The following XPO6 variants were observed in gnomAD, a reference collection of about 807,000 sequenced individuals.
The protein encoded by XPO6 is exportin-6.
XPO6 carries 3 observed loss-of-function variants against 130.0 expected under a neutral mutation model. That is an observed-to-expected ratio of 0.02 (90% CI 0.01 to 0.06). The LOEUF is 0.06. XPO6 is among the 10% of genes least tolerant of loss of function. The pLI is 1.00. For missense variants in XPO6, 970 were observed against 1,393.0 expected, an observed-to-expected ratio of 0.70 and a Z score of 4.83; for synonymous variants, 524 against 548.9, an observed-to-expected ratio of 0.95 and a Z score of 0.63.
At chr16:28,156,605 A>AATAT (rs552912774) in intron 6 of XPO6, 78 bp from the exon 7 acceptor site, 3 of 877,636 alleles carry the variant, frequency 3.4e-6, no homozygotes, top group Admixed American at 3.3e-5. Flanking sequence ...CCTTCAAAAA[A>AATAT]ATATATATAT....
At chr16:28,181,361 G>A (rs945080099) in intron 1 of XPO6, among the ~76,000 whole-genome samples, 1 of 152,182 alleles carries the variant, frequency 6.6e-6, no homozygotes, top group African/African-American at 2.4e-5. Context: ...TGAATGGGCA[G>A]AGCAGAGAGA....
intron 1 of XPO6, among the ~76,000 whole-genome samples, chr16:28,187,721 C>T (rs958274202): frequency 6.7e-6 from 1 of 149,208 alleles, no homozygotes; most frequent in Non-Finnish European, 1.5e-5. Context: ...CTACCATGGG[C>T]TGGTGGCTCA....
At chr16:28,140,668 C>A (rs1249250132) in intron 9 of XPO6, among the ~76,000 whole-genome samples, 1 of 147,026 alleles carries the variant, frequency 6.8e-6, no homozygotes, top group Admixed American at 6.8e-5. Flanking sequence ...CAGAGTGAGA[C>A]CCCGTCTCAA....
chr16:28,197,301 T>C (rs879532251), intron 1 of XPO6, among the ~76,000 whole-genome samples: 4 of 152,050 alleles, frequency 2.6e-5, no homozygotes, highest in Non-Finnish European at 5.9e-5. Flanking sequence ...AGTAACTAAC[T>C]TACGACTGGA....
chr16:28,166,272 G>C (rs2043354251), intron 6 of XPO6, among the ~76,000 whole-genome samples: 1 of 152,022 alleles, frequency 6.6e-6, no homozygotes, highest in African/African-American at 2.4e-5. Context: ...ACATAACCAT[G>C]ACATTCAGGA....
At chr16:28,211,314 C>T (rs2044127330) in intron 1 of XPO6, 52 bp downstream of exon 1, 1 of 1,309,912 alleles carries the variant, frequency 7.6e-7, no homozygotes, top group African/African-American at 1.5e-5. Context: ...GGCCCATTCC[C>T]ACCCTTCCGG....
chr16:28,204,195 T>C (rs1399094343), intron 1 of XPO6, among the ~76,000 whole-genome samples: 1 of 152,142 alleles, frequency 6.6e-6, no homozygotes, highest in Non-Finnish European at 1.5e-5. Context: ...CCTAGCTTTA[T>C]GGAGCTAACA....
At chr16:28,131,388 A>C (rs1054198393) in intron 12 of XPO6, among the ~76,000 whole-genome samples, 2 of 152,210 alleles carry the variant, frequency 1.3e-5, no homozygotes, top group African/African-American at 4.8e-5. Context: ...GCTGGGCTGA[A>C]ACAACAGTTA....
chr16:28,176,600 C>A (rs916497451), intron 3 of XPO6, among the ~76,000 whole-genome samples: 1 of 151,754 alleles, frequency 6.6e-6, no homozygotes, highest in Non-Finnish European at 1.5e-5. Flanking sequence ...CGGGTTCATG[C>A]CATTCTCCTA....
intron 2 of XPO6, 95 bp downstream of exon 2, chr16:28,180,846 G>A (rs1386191473): frequency 1.4e-5 from 13 of 950,156 alleles, no homozygotes; most frequent in East Asian, 2.8e-5. Context: ...TGGAAAGCAC[G>A]CAGACTTGAC....
intron 1 of XPO6, among the ~76,000 whole-genome samples, chr16:28,198,522 G>A (rs2141902401): frequency 6.6e-6 from 1 of 152,194 alleles, no homozygotes; most frequent in East Asian, 1.9e-4. Context: ...TTGGTCACAA[G>A]GCCAGGAACA....
intron 8 of XPO6, among the ~76,000 whole-genome samples, chr16:28,149,126 G>A (rs2043040679): frequency 6.6e-6 from 1 of 151,646 alleles, no homozygotes; most frequent in African/African-American, 2.4e-5. Flanking sequence ...CCCCCCCAGG[G>A]TATACCATCT....
intron 6 of XPO6, among the ~76,000 whole-genome samples, chr16:28,163,311 G>A (rs2043306593): frequency 6.6e-6 from 1 of 152,214 alleles, no homozygotes; most frequent in East Asian, 1.9e-4. Context: ...GGAAACAGAA[G>A]ACTGGCCTCA....
At chr16:28,187,229 A>T (rs2043709974) in intron 1 of XPO6, among the ~76,000 whole-genome samples, 1 of 152,328 alleles carries the variant, frequency 6.6e-6, no homozygotes, top group South Asian at 2.1e-4. Context: ...GCGAGTACCT[A>T]GCCCCATCCT....
chr16:28,130,080 A>T (rs1179427625), intron 12 of XPO6, among the ~76,000 whole-genome samples: 1 of 152,254 alleles, frequency 6.6e-6, no homozygotes, highest in African/African-American at 2.4e-5. Context: ...CTTGGTCTTG[A>T]CAGGGAAGTG....
chr16:28,129,886 G>A (rs1005085082), intron 12 of XPO6, among the ~76,000 whole-genome samples: 1 of 152,222 alleles, frequency 6.6e-6, no homozygotes, highest in Non-Finnish European at 1.5e-5. Flanking sequence ...AGGGGTGGCA[G>A]AAGTCAAATA....
intron 23 of XPO6, among the ~76,000 whole-genome samples, chr16:28,100,204 G>C (rs1302038502): frequency 1.3e-5 from 2 of 152,126 alleles, no homozygotes; most frequent in Non-Finnish European, 2.9e-5. Context: ...GGCCAGGCTG[G>C]TCTCAAACCC....
intron 17 of XPO6, 23 bp downstream of exon 17, chr16:28,111,794 G>A: frequency 1.2e-6 from 2 of 1,611,416 alleles, no homozygotes; most frequent in Non-Finnish European, 1.7e-6. Context: ...TTCCCCAGCT[G>A]TCCTAGCCTA....
intron 16 of XPO6, among the ~76,000 whole-genome samples, chr16:28,112,296 C>T (rs1354646122): frequency 1.3e-5 from 2 of 152,184 alleles, no homozygotes; most frequent in African/African-American, 4.8e-5. Context: ...ACACTGCAGA[C>T]ACTGAATCTC....
Sources: allele counts gnomAD v4.1 joint callset (sites outside exome capture counted in the v4.1 genomes callset), GRCh38; gene constraint gnomAD v4.1.1; transcripts MANE v1.5; gene names NCBI Gene and HGNC (gene_info 2026-07-23, HGNC 2026-07-21).